Variants in GASK1B observed in about 807,000 individuals in gnomAD.
GASK1B encodes the protein golgi associated kinase 1B, also known as Golgi-associated kinase 1B.
GASK1B carries 34 observed loss-of-function variants against 42.8 expected under a neutral mutation model. That is an observed-to-expected ratio of 0.79 (90% CI 0.60 to 1.06). The LOEUF is 1.06. GASK1B is among the 50% of genes least tolerant of loss of function. The pLI, the probability that GASK1B is intolerant of heterozygous loss-of-function variation, is 0.00. For missense variants in GASK1B, 686 were observed against 661.0 expected, an observed-to-expected ratio of 1.04 and a Z score of -0.42; for synonymous variants, 262 against 259.1, an observed-to-expected ratio of 1.01 and a Z score of -0.11.
rs755962042 is a variant in GASK1B, at chr4:158,170,762, ATGT to A, written c.611_613del (p.Asn204del). ...GGGGGCGCTCTCGCTGTAGATCCTA[ATGT>A]TGCTCTCCCTGGAGCTGGGCTGCAG... On this transcript the variant is annotated inframe_deletion, in exon 2 of 5. Transcript: ENST00000585682. 2.9e-5 allele frequency: 47 copies of A among 1,614,190 alleles called. 3 individuals are homozygous for A. The South Asian group carries it at 4.5e-4, about 15-fold the overall frequency.
At chr4:158,146,703 G>C (rs1731343459) in intron 3 of GASK1B, among the ~76,000 whole-genome samples, 1 of 152,130 alleles carries the variant, frequency 6.6e-6, no homozygotes, top group Non-Finnish European at 1.5e-5. Flanking sequence ...ACAATACAGT[G>C]ACACAATACA....
rs575830106 is a variant in GASK1B, at chr4:158,148,201, G to A, written c.1125+7410C>T. 8.5e-4 allele frequency among the ~76,000 whole-genome samples: 130 copies of A among 152,126 alleles called. 1 individual carries two copies. The highest frequency in any genetic ancestry group is 1.5e-3 in the Non-Finnish European group (103 of 68,032). ...TGCACTCCAGCCTGGGGAACAGAGC[G>A]AGACCCTGTCTCTATTTTAAAAAAG... On this transcript the variant is annotated intron_variant, in intron 3 of 4. Coordinates refer to ENST00000585682, the MANE Select transcript of GASK1B (RefSeq NM_001128424.2).
chr4:158,162,728 A>G (rs938463311), intron 2 of GASK1B, among the ~76,000 whole-genome samples: 1 of 152,160 alleles, frequency 6.6e-6, no homozygotes, highest in Admixed American at 6.5e-5. Context: ...CCAGATCACT[A>G]TCATGAAAAG....
intron 2 of GASK1B, 94 bp from the exon 3 acceptor site, chr4:158,155,919 C>T: frequency 1.0e-6 from 1 of 965,344 alleles, no homozygotes; most frequent in Non-Finnish European, 1.6e-6. Context: ...GTCTCACGCT[C>T]ACCTATCAAA....
chr4:158,136,046 A>C (rs2110940822), intron 3 of GASK1B, among the ~76,000 whole-genome samples: 1 of 152,284 alleles, frequency 6.6e-6, no homozygotes, highest in African/African-American at 2.4e-5. Flanking sequence ...CAGCAGGCAA[A>C]ATTATTCTAT....
intron 2 of GASK1B, 53 bp from the exon 3 acceptor site, chr4:158,155,878 T>G: frequency 6.6e-7 from 1 of 1,522,872 alleles, no homozygotes; most frequent in Non-Finnish European, 9.1e-7. Context: ...ACTCAGGGTG[T>G]GTCTTTGAGC....
In GASK1B at chr4:158,130,934, G is replaced by A; in HGVS notation, c.1204C>T (p.Pro402Ser). 6.2e-7 allele frequency: 1 copy of A among 1,614,048 alleles called. No individual in the cohort carries two copies. Among genetic ancestry groups the A allele is most frequent in the Non-Finnish European group, 8.5e-7 (1 of 1,179,972 alleles). The stretch of plus-strand genomic sequence containing the variant: ...GCAGAACCTTGGTCATCACATTTTG[G>A]CCTCAATCCATTCTGTACACAGGCA... ...EDACVQNGLR[P>S]KCDDQGSAAL... is the part of the protein sequence containing the mutation. The change falls in exon 4 of 5, where the codon CCA becomes TCA. Residue 402 changes from proline to serine, a missense_variant. Physicochemically the swap from Pro to Ser is moderately conservative, Grantham distance 74 (BLOSUM62 -1). Transcript: ENST00000585682.
chr4:158,153,013 T>C (rs1440986512), intron 3 of GASK1B, among the ~76,000 whole-genome samples: 2 of 151,860 alleles, frequency 1.3e-5, no homozygotes, highest in East Asian at 3.9e-4. Flanking sequence ...AATTAGAAAA[T>C]AGAAAGAAAT....
intron 2 of GASK1B, among the ~76,000 whole-genome samples, chr4:158,165,522 A>C (rs888992897): frequency 6.6e-6 from 1 of 152,196 alleles, no homozygotes. Flanking sequence ...CATTAAAAAA[A>C]CTTGTAGCAG....
In GASK1B at chr4:158,139,506, C is replaced by T. The variant is rs79305568; in HGVS notation, c.1126-8494G>A. Among the ~76,000 whole-genome samples, 1,172 of 152,098 alleles carry T rather than the reference C, an allele frequency of 7.7e-3. 8 individuals carry two copies. The highest frequency in any genetic ancestry group is 0.013 in the Non-Finnish European group (896 of 68,004). On this transcript the variant is annotated intron_variant, in intron 3 of 4. Coordinates refer to ENST00000585682, the MANE Select transcript of GASK1B (RefSeq NM_001128424.2). Reference sequence around the variant, plus strand: ...TTGAAGTTACTAGATCTTATATAGACAAAAGGGAGTTTATTTCAGAAAAGA... The same window carrying T: ...TTGAAGTTACTAGATCTTATATAGATAAAAGGGAGTTTATTTCAGAAAAGA...
rs1467462653 is a variant in GASK1B at position 158,170,497 on chromosome 4, C to T, written c.879G>A (p.Pro293=). Residue 293 remains proline (P), a synonymous_variant, in exon 2 of 5, where the codon CCG becomes CCA. Transcript: ENST00000585682. ...DRILGLNRTL[P]SVSRKAEFIQ... is the part of the protein sequence containing the mutation. ...TGAACTCTGCTTTCCTGCTCACAGA[C>T]GGCAGGGTCCTGTTGAGCCCCAGGA... 6.2e-7 allele frequency: 1 copy of T among 1,614,110 alleles called. No homozygotes were observed. The highest frequency in any genetic ancestry group is 8.5e-7 in the Non-Finnish European group (1 of 1,180,054).
chr4:158,144,386 G>A (rs1731253633), intron 3 of GASK1B, among the ~76,000 whole-genome samples: 1 of 152,164 alleles, frequency 6.6e-6, no homozygotes, highest in Admixed American at 6.5e-5. Context: ...AGTAGAAACT[G>A]TGTCTAAGTC....
intron 4 of GASK1B, among the ~76,000 whole-genome samples, chr4:158,130,432 T>A (rs564053872): frequency 6.6e-6 from 1 of 152,322 alleles, no homozygotes; most frequent in Admixed American, 6.5e-5. Context: ...TGCCTAATAA[T>A]GGAGCCTCTG....
At chr4:158,154,379 G>A (rs902778691) in intron 3 of GASK1B, among the ~76,000 whole-genome samples, 8 of 152,098 alleles carry the variant, frequency 5.3e-5, no homozygotes, top group African/African-American at 1.9e-4. Context: ...GCGTGGATGT[G>A]GTGAAAAGGG....
At position 158,127,193 on chromosome 4, in the gene GASK1B, A is replaced by G. The variant is rs879933324; in HGVS notation, c.*214T>C. ...TAGCATGATGTTAGAGAAAAATATA[A>G]ACAAATATTTCTCAAGTAGTTTGTT... is the stretch of plus-strand genomic sequence containing the variant. On this transcript the variant is annotated 3_prime_UTR_variant, in exon 5 of 5. Coordinates refer to ENST00000585682, the MANE Select transcript of GASK1B (RefSeq NM_001128424.2). 4.2e-5 allele frequency: 17 copies of G among 404,194 alleles called. No homozygotes were observed. In the Admixed American group the frequency reaches 7.1e-4, roughly 17 times the overall value. The allele number at this position is 404,194 out of a possible 1,614,324, so 25.0% of individuals were successfully genotyped here. A position where few individuals can be genotyped will look rare whatever the true frequency, so the allele number is the denominator to read the frequency against.
In GASK1B at chr4:158,171,181, C is replaced by A. The variant is rs747288777; in HGVS notation, c.195G>T (p.Ala65=). The change falls in exon 2 of 5, where the codon GCG becomes GCT. Residue 65 remains alanine (A), a synonymous_variant. Transcript: ENST00000585682. ...VGRASLQHGQ[A]AEKGPHRSRD... ...GGCTGCGATGTGGCCCCTTCTCAGC[C>A]GCCTGTCCATGCTGGAGAGAGGCCC... 6.2e-7 allele frequency: 1 copy of A among 1,612,452 alleles called. No individual in the cohort carries two copies. The highest frequency in any genetic ancestry group is 1.1e-5 in the South Asian group (1 of 90,928).
chr4:158,131,101 A>C (rs1478486174), intron 3 of GASK1B, 89 bp from the exon 4 acceptor site: 2 of 1,089,362 alleles, frequency 1.8e-6, no homozygotes, highest in East Asian at 2.6e-5. Flanking sequence ...TGCTTTCTGA[A>C]TAGCTGACTT....
chr4:158,155,574 G>T, intron 3 of GASK1B, 37 bp downstream of exon 3: 1 of 1,556,884 alleles, frequency 6.4e-7, no homozygotes, highest in Non-Finnish European at 8.9e-7. Context: ...CTCAGCGCCA[G>T]TCTTAGATAA....
At position 158,170,959 on chromosome 4, in the gene GASK1B, G is replaced by T. The variant is rs201948963; in HGVS notation, c.417C>A (p.Ala139=). ...GTCCGACCAAAGCCTCCTGCCCTGG[G>T]GCAGCCGATGCCACTGCATGCTTTT... is the stretch of plus-strand genomic sequence containing the variant. ...RRKKHAVASA[A]PGQEALVGPS... Residue 139 remains alanine, a synonymous_variant, in exon 2 of 5, where the codon GCC becomes GCA. Transcript: ENST00000585682. The T allele has an allele frequency of 1.2e-6, 2 of 1,614,202 alleles. No homozygotes were observed. The highest frequency in any genetic ancestry group is 1.7e-6 in the Non-Finnish European group (2 of 1,180,046).
Sources: gnomAD v4.1 joint callset for allele counts (sites outside exome capture counted in the v4.1 genomes callset) on GRCh38, gnomAD v4.1.1 for gene constraint, MANE v1.5 for transcripts, NCBI Gene and HGNC (gene_info 2026-07-23, HGNC 2026-07-21) for gene names.